The following TAF8 variants were observed in gnomAD, a reference collection of about 807,000 sequenced individuals.
TAF8 encodes the protein TATA-box binding protein associated factor 8, also known as transcription initiation factor TFIID subunit 8.
A neutral mutation model predicts 36.5 loss-of-function variants in TAF8; 47 were observed. The ratio of observed to expected loss-of-function variants is 1.29; its 90% CI spans 1.02 to 1.64. The LOEUF (loss-of-function observed/expected upper bound fraction) is 1.64. Ranked by LOEUF, TAF8 falls within the 40% of genes most tolerant of loss-of-function variation. The pLI, the probability that TAF8 is intolerant of heterozygous loss-of-function variation, is 0.00. For synonymous variants in TAF8, 175 were observed against 159.5 expected, an observed-to-expected ratio of 1.10 and a Z score of -0.73; for missense variants, 420 against 407.6, an observed-to-expected ratio of 1.03 and a Z score of -0.26.
Position 42,057,446 on chromosome 6 carries a change from C to T in TAF8, c.422C>T (p.Pro141Leu), listed in dbSNP as rs1276039095. 4.3e-6 allele frequency: 7 copies of T among 1,613,920 alleles called. No individual in the cohort carries two copies. Among genetic ancestry groups the T allele is most frequent in the Non-Finnish European group, 4.2e-6 (5 of 1,180,026 alleles). Residue 141 changes from proline to leucine, a missense_variant, in exon 5 of 9, where the codon CCC becomes CTC. Physicochemically the swap from Pro to Leu is moderately conservative, Grantham distance 98. Transcript: ENST00000372977. Reference protein sequence around the residue: ...PKALTAGQNRPHPPHIPSHFP... With the variant: ...PKALTAGQNRLHPPHIPSHFP... ...GCCCTCACTGCAGGGCAGAACCGACCCCACCCGCCGCACATCCCCAGCCAT... is the reference window on the plus strand; with the variant it reads ...GCCCTCACTGCAGGGCAGAACCGACTCCACCCGCCGCACATCCCCAGCCAT...
intron 5 of TAF8, among the ~76,000 whole-genome samples, chr6:42,060,235 C>T (rs760215030): frequency 6.6e-6 from 1 of 152,100 alleles, no homozygotes; most frequent in Non-Finnish European, 1.5e-5. Flanking sequence ...GCAGAAAAAA[C>T]CTCAAGAACA....
At chr6:42,056,515 T>G (rs1233924703) in intron 4 of TAF8, among the ~76,000 whole-genome samples, 1 of 152,218 alleles carries the variant, frequency 6.6e-6, no homozygotes, top group Non-Finnish European at 1.5e-5. Flanking sequence ...TGATGACCTC[T>G]ACTTTAAGTA....
At position 42,080,357 on chromosome 6, in the gene TAF8, T is replaced by C; in HGVS notation, c.*2812T>C. The C allele has an allele frequency of 1.1e-6, 1 of 937,078 alleles. No homozygotes were observed. Among genetic ancestry groups the C allele is most frequent in the Non-Finnish European group, 1.2e-6 (1 of 814,136 alleles). 58.0% of individuals were successfully genotyped at this position (937,078 alleles called of 1,614,324 possible). A position where few individuals can be genotyped will look rare whatever the true frequency, so the allele number is the denominator to read the frequency against. ...GCTGTTGAGATTTCAGAGGCTATAC[T>C]CTTTTTTTTTCTTTTCTTTTTTTTT... On this transcript the variant is annotated 3_prime_UTR_variant, in exon 9 of 9. Coordinates refer to ENST00000372977, the MANE Select transcript of TAF8 (RefSeq NM_138572.3).
Position 42,079,214 on chromosome 6 carries a change from A to T in TAF8, c.*1669A>T. On this transcript the variant is annotated 3_prime_UTR_variant, in exon 9 of 9. Transcript: ENST00000372977. ...GGGCTGGGCCTCATCTTGTATTCTG[A>T]AAGCTGAGAAACGGCTGGTCAGCTG... The T allele has an allele frequency of 1.0e-6, 1 of 985,600 alleles. No homozygotes were observed. Among genetic ancestry groups the T allele is most frequent in the Non-Finnish European group, 1.2e-6 (1 of 829,966 alleles). 61.1% of individuals were successfully genotyped at this position (985,600 alleles called of 1,614,324 possible).
At chr6:42,070,313 C>T (rs1765520623) in intron 7 of TAF8, among the ~76,000 whole-genome samples, 1 of 149,450 alleles carries the variant, frequency 6.7e-6, no homozygotes, top group South Asian at 2.2e-4. Context: ...ATGGTGAAAC[C>T]CGATCTCTAC....
intron 7 of TAF8, chr6:42,071,311 CTTTTTTTTT>C (rs70987566): frequency 1.4e-3 from 171 of 121,696 alleles, no homozygotes; most frequent in African/African-American, 7.4e-3. Context: ...CCTGGACATA[CTTTTTTTTT>C]TTTTTTTTTT....
At chr6:42,051,815 A>T (rs1338717847) in intron 2 of TAF8, 1 of 189,252 alleles carries the variant, frequency 5.3e-6, no homozygotes, top group African/African-American at 2.4e-5. Flanking sequence ...CACACAAAAA[A>T]ATTAGCTGGG....
chr6:42,078,345 G>T lies in TAF8; in HGVS notation c.*800G>T. 1.0e-6 allele frequency: 1 copy of T among 984,136 alleles called. No homozygotes were observed. The allele number at this position is 984,136 out of a possible 1,614,324, so 61.0% of individuals were successfully genotyped here. A position where few individuals can be genotyped will look rare whatever the true frequency, so the allele number is the denominator to read the frequency against. On this transcript the variant is annotated 3_prime_UTR_variant, in exon 9 of 9. Transcript: ENST00000372977. Reference sequence around the variant, plus strand: ...TTGCTGCTGTGCTTATTACAAGGAAGACTGTTTGTCCAGCGTGTATTTCAG... The same window carrying T: ...TTGCTGCTGTGCTTATTACAAGGAATACTGTTTGTCCAGCGTGTATTTCAG...
chr6:42,051,624 G>A, intron 2 of TAF8, 111 bp downstream of exon 2: 3 of 1,348,758 alleles, frequency 2.2e-6, no homozygotes, highest in Non-Finnish European at 2.0e-6. Flanking sequence ...TCTTAAGAGG[G>A]GAGAAAAAAA....
intron 7 of TAF8, among the ~76,000 whole-genome samples, chr6:42,075,336 G>A (rs979494060): frequency 1.3e-5 from 2 of 152,194 alleles, no homozygotes; most frequent in East Asian, 1.9e-4. Context: ...GGGTCACCTT[G>A]TGGTCCCACT....
chr6:42,052,448 A>G (rs1374576268), intron 2 of TAF8, among the ~76,000 whole-genome samples: 2 of 151,680 alleles, frequency 1.3e-5, no homozygotes, highest in African/African-American at 2.4e-5. Flanking sequence ...CAGCCTCCCA[A>G]GTAGCTGGGA....
rs1353411493 is a variant in TAF8, at chr6:42,079,614, G to A, written c.*2069G>A. The A allele has an allele frequency of 1.0e-6, 1 of 971,128 alleles. No homozygotes were observed. The highest frequency in any genetic ancestry group is 1.2e-6 in the Non-Finnish European group (1 of 817,388). The allele number at this position is 971,128 out of a possible 1,614,324, so 60.2% of individuals were successfully genotyped here. ...GTCTCGCTGTGTCGCCCCAGCTGGA[G>A]TATAGTGGCACTACCTCGGCTCACT... On this transcript the variant is annotated 3_prime_UTR_variant, in exon 9 of 9. Transcript: ENST00000372977.
At chr6:42,070,551 C>CT (rs1434650380) in intron 7 of TAF8, among the ~76,000 whole-genome samples, 1 of 152,170 alleles carries the variant, frequency 6.6e-6, no homozygotes, top group East Asian at 1.9e-4. Context: ...TTTCAAGTGT[C>CT]TGATAGCCAC....
chr6:42,067,735 T>C (rs1028965250), intron 6 of TAF8, among the ~76,000 whole-genome samples: 13 of 152,014 alleles, frequency 8.6e-5, no homozygotes, highest in African/African-American at 3.1e-4. Context: ...ACCTGGCTAA[T>C]TTTATTTTTC....
intron 2 of TAF8, among the ~76,000 whole-genome samples, chr6:42,052,317 G>GCCCCC (rs59000289): frequency 5.8e-5 from 8 of 138,564 alleles, no homozygotes; most frequent in African/African-American, 2.2e-4. Context: ...AAGGGGAAAA[G>GCCCCC]CCCCCCCCCC....
rs2127465781 is a variant in TAF8 at position 42,078,993 on chromosome 6, A to C, written c.*1448A>C. 1 of 534,074 alleles carries C rather than the reference A, an allele frequency of 1.9e-6. No homozygotes were observed. The highest frequency in any genetic ancestry group is 2.4e-6 in the Non-Finnish European group (1 of 417,664). 33.1% of individuals were successfully genotyped at this position (534,074 alleles called of 1,614,324 possible). On this transcript the variant is annotated 3_prime_UTR_variant, in exon 9 of 9. Transcript: ENST00000372977. ...AAAAATTAGCCGGGTGTGGTTACTC[A>C]TGCCTGTAATCCCAGCTACTCGGGA...
Position 42,077,242 on chromosome 6 carries a change from G to C in TAF8, c.920+3G>C. 1 of 1,611,510 alleles carries C rather than the reference G, an allele frequency of 6.2e-7. No homozygotes were observed. The highest frequency in any genetic ancestry group is 8.5e-7 in the Non-Finnish European group (1 of 1,178,070). ...AAGCCCAAGATCCGCAGGAAGAAGT[G>C]AGTTGGAGGCTGGGGTCCAGAGAGC... On this transcript the variant is annotated splice_donor_region_variant and intron_variant, in intron 8 of 8. Coordinates refer to ENST00000372977, the MANE Select transcript of TAF8 (RefSeq NM_138572.3).
chr6:42,067,724 T>C (rs1461655921), intron 6 of TAF8, among the ~76,000 whole-genome samples: 1 of 151,840 alleles, frequency 6.6e-6, no homozygotes, highest in Admixed American at 6.6e-5. Flanking sequence ...TGCACTATTA[T>C]ACCTGGCTAA....
intron 2 of TAF8, 71 bp from the exon 3 acceptor site, chr6:42,055,460 T>C (rs971252156): frequency 2.9e-5 from 31 of 1,067,878 alleles, no homozygotes; most frequent in Non-Finnish European, 4.2e-5. Flanking sequence ...AATTGTTGGC[T>C]CATCTGGTAA....
Sources: allele counts gnomAD v4.1 joint callset (sites outside exome capture counted in the v4.1 genomes callset), GRCh38; gene constraint gnomAD v4.1.1; transcripts MANE v1.5; gene names NCBI Gene and HGNC (gene_info 2026-07-23, HGNC 2026-07-21).